ARHGEF10: variants seen among roughly 807,000 people sequenced by gnomAD.
ARHGEF10 encodes Rho guanine nucleotide exchange factor 10.
ARHGEF10 carries 140 observed loss-of-function variants against 147.4 expected under a neutral mutation model. The observed-to-expected ratio is 0.95, with a 90% CI of 0.83 to 1.09. ARHGEF10 has a LOEUF of 1.09. Among genes scored for constraint, ARHGEF10 ranks in the 50% least tolerant of loss-of-function variants. ARHGEF10 has a pLI of 0.00. For missense variants in ARHGEF10, 2,222 were observed against 1,752.7 expected, an observed-to-expected ratio of 1.27 and a Z score of -4.78; for synonymous variants, 902 against 695.8, an observed-to-expected ratio of 1.30 and a Z score of -4.67.
chr8:1,952,631 C>G, intron 27 of ARHGEF10, 74 bp from the exon 28 acceptor site: 1 of 1,591,538 alleles, frequency 6.3e-7, no homozygotes, highest in Non-Finnish European at 8.6e-7. Context: ...TGTGGGGTTT[C>G]CAGCACCCCG....
chr8:1,929,457 C>G lies in ARHGEF10; in HGVS notation c.3079+14C>G, dbSNP rs751004926. On this transcript the variant is annotated intron_variant, in intron 25 of 28. Transcript: ENST00000349830. Reference sequence around the variant, plus strand: ...CCAGAGCCCCAGGTGAGGCGGGTCTCACGGCCTCCTGGCCGGTCCTTGGGG... The same window carrying G: ...CCAGAGCCCCAGGTGAGGCGGGTCTGACGGCCTCCTGGCCGGTCCTTGGGG... The G allele has an allele frequency of 1.9e-6, 3 of 1,599,802 alleles. No individual in the cohort carries two copies. Among genetic ancestry groups the G allele is most frequent in the Non-Finnish European group, 2.6e-6 (3 of 1,173,070 alleles).
intron 11 of ARHGEF10, among the ~76,000 whole-genome samples, chr8:1,892,124 G>A (rs1809578980): frequency 6.6e-6 from 1 of 151,848 alleles, no homozygotes; most frequent in Non-Finnish European, 1.5e-5. Flanking sequence ...TTGGGAATCT[G>A]AATTTCAGAA....
chr8:1,891,820 C>A (rs1016070812), intron 11 of ARHGEF10, among the ~76,000 whole-genome samples: 5 of 152,038 alleles, frequency 3.3e-5, no homozygotes, highest in African/African-American at 9.7e-5. Context: ...AGACTGACAT[C>A]ACGTGCAGTA....
At position 1,929,382 on chromosome 8, in the gene ARHGEF10, G is replaced by T; in HGVS notation, c.3018G>T (p.Thr1006=). Residue 1006 remains threonine, a synonymous_variant, in exon 25 of 29, where the codon ACG becomes ACT. Coordinates refer to ENST00000349830, the MANE Select transcript of ARHGEF10 (RefSeq NM_014629.4). ...CCACAGTCATGAGCCTGGCTTGCAC[G>T]TCTCAGAGCCTGTACGCTGGCCTGG... The part of the protein sequence containing the change: ...EKSTVMSLAC[T]SQSLYAGLVN... The T allele has an allele frequency of 6.2e-7, 1 of 1,613,598 alleles. No homozygotes were observed. The highest frequency in any genetic ancestry group is 1.1e-5 in the South Asian group (1 of 91,058).
Position 1,893,605 on chromosome 8 carries a change from A to G in ARHGEF10, c.1219A>G (p.Ser407Gly). The G allele has an allele frequency of 6.2e-7, 1 of 1,613,806 alleles. No homozygotes were observed. The highest frequency in any genetic ancestry group is 8.5e-7 in the Non-Finnish European group (1 of 1,179,796). Residue 407 changes from serine (S) to glycine (G), a missense_variant, in exon 12 of 29, where the codon AGT (serine) becomes GGT (glycine). Ser to Gly is a moderately conservative substitution (Grantham distance 56). Transcript: ENST00000349830. ...ATATATACTGGGTTCAGTTGTCGACAGTGAAAAGAACTACGTAGATGCTCT... is the reference window on the plus strand; with the variant it reads ...ATATATACTGGGTTCAGTTGTCGACGGTGAAAAGAACTACGTAGATGCTCT... ...RRYILGSVVDSEKNYVDALKR... is the reference protein window; with the variant it reads ...RRYILGSVVDGEKNYVDALKR...
chr8:1,897,258 C>G (rs1467940201), intron 14 of ARHGEF10, among the ~76,000 whole-genome samples: 1 of 152,256 alleles, frequency 6.6e-6, no homozygotes, highest in South Asian at 2.1e-4. Context: ...AATTTTTTCC[C>G]TCTGCCTTAT....
At chr8:1,893,881 A>C (rs2129156211) in intron 12 of ARHGEF10, among the ~76,000 whole-genome samples, 1 of 152,296 alleles carries the variant, frequency 6.6e-6, no homozygotes, top group South Asian at 2.1e-4. Flanking sequence ...TCTAAGCTTT[A>C]AAAATGTCTG....
In ARHGEF10 at chr8:1,923,780, G is replaced by A; in HGVS notation, c.2394G>A (p.Gly798=). The A allele has an allele frequency of 6.2e-7, 1 of 1,614,172 alleles. No homozygotes were observed. Among genetic ancestry groups the A allele is most frequent in the Non-Finnish European group, 8.5e-7 (1 of 1,180,024 alleles). ...LQLPGKQDKS[G]RPTFFTAVFN... is the part of the protein sequence containing the mutation. ...TGTCTGTTGTTTCTGGCAGATCTGG[G>A]CGACCGACGTTCTTTACAGCTGTGT... Residue 798 remains glycine, a synonymous_variant, in exon 21 of 29, where the codon GGG becomes GGA. Coordinates refer to ENST00000349830, the MANE Select transcript of ARHGEF10 (RefSeq NM_014629.4).
chr8:1,945,516 G>A lies in ARHGEF10; in HGVS notation c.3258G>A (p.Val1086=). The change falls in exon 27 of 29, where the codon GTG becomes GTA. Residue 1086 remains valine, a synonymous_variant. Transcript: ENST00000349830. The part of the protein sequence containing the change: ...QLEAHQEEGM[V]ISHMAVSGVG... ...AGGCCCACCAGGAGGAAGGCATGGTGATCTCCCACATGGCCGTGTCCGGCG... is the reference window on the plus strand; with the variant it reads ...AGGCCCACCAGGAGGAAGGCATGGTAATCTCCCACATGGCCGTGTCCGGCG... The A allele has an allele frequency of 1.2e-6, 2 of 1,612,528 alleles. No homozygotes were observed. Among genetic ancestry groups the A allele is most frequent in the African/African-American group, 1.3e-5 (1 of 75,022 alleles).
intron 17 of ARHGEF10, among the ~76,000 whole-genome samples, chr8:1,906,532 C>T (rs761390318): frequency 4.6e-5 from 7 of 152,154 alleles, no homozygotes; most frequent in African/African-American, 1.7e-4. Flanking sequence ...TCATGCCCGT[C>T]GCCCCCATTT....
At chr8:1,877,229 TTC>T (rs1347229560) in intron 8 of ARHGEF10, among the ~76,000 whole-genome samples, 1 of 152,152 alleles carries the variant, frequency 6.6e-6, no homozygotes, top group Non-Finnish European at 1.5e-5. Context: ...CCTTTCTTTT[TTC>T]TTTTTCTTTT....
intron 10 of ARHGEF10, among the ~76,000 whole-genome samples, chr8:1,884,967 G>A (rs1276667193): frequency 6.6e-6 from 1 of 152,130 alleles, no homozygotes; most frequent in Non-Finnish European, 1.5e-5. Flanking sequence ...GTCTTGCTAT[G>A]TTGCCCAGGC....
In ARHGEF10 at chr8:1,857,890, C is replaced by CTATG. The variant is rs1805687960; in HGVS notation, c.38-67_38-66insGTAT. On this transcript the variant is annotated intron_variant, in intron 2 of 28. Transcript: ENST00000349830. ...AACATAGATCGATCGATCTATCTAT[C>CTATG]TATCTATCTATCTATCTATCTATCT... is the stretch of plus-strand genomic sequence containing the variant. 2.9e-6 allele frequency: 3 copies of CTATG among 1,036,554 alleles called. No homozygotes were observed. The Admixed American group carries it at 5.7e-5, about 20-fold the overall frequency. 64.2% of individuals were successfully genotyped at this position (1,036,554 alleles called of 1,614,324 possible).
chr8:1,872,557 G>C (rs1450086341), intron 7 of ARHGEF10, among the ~76,000 whole-genome samples: 1 of 152,202 alleles, frequency 6.6e-6, no homozygotes, highest in Non-Finnish European at 1.5e-5. Flanking sequence ...CATGGCAGCA[G>C]TTCAAGGATC....
In ARHGEF10 at chr8:1,930,261, G is replaced by A. The variant is rs573719981; in HGVS notation, c.3079+818G>A. On this transcript the variant is annotated intron_variant, in intron 25 of 28. Transcript: ENST00000349830. ...GCCCTGCACCACCCTCCCCACGGCCGGGAGCGACGCCTTGGCGGGTCCTGT... is the reference window on the plus strand; with the variant it reads ...GCCCTGCACCACCCTCCCCACGGCCAGGAGCGACGCCTTGGCGGGTCCTGT... Among the ~76,000 whole-genome samples, 5 of 152,122 alleles carry A rather than the reference G, an allele frequency of 3.3e-5. No individual in the cohort carries two copies. The East Asian group carries it at 9.7e-4, about 30-fold the overall frequency.
intron 11 of ARHGEF10, among the ~76,000 whole-genome samples, chr8:1,889,848 T>TTTGTGAGGAGACACTGAGTGTGGTGAGGG (rs1809289264): frequency 9.0e-6 from 1 of 111,176 alleles, no homozygotes; most frequent in African/African-American, 4.1e-5. Flanking sequence ...TGGGGTGAGG[T>TTTGTGAGGAGACACTGAGTGTGGTGAGGG]TTGTGAGGAG....
chr8:1,881,104 A>C (rs1011048607), intron 9 of ARHGEF10, among the ~76,000 whole-genome samples: 6 of 152,028 alleles, frequency 3.9e-5, no homozygotes, highest in African/African-American at 1.4e-4. Context: ...AGACACGGGG[A>C]GTGCCCTGGC....
intron 4 of ARHGEF10, among the ~76,000 whole-genome samples, chr8:1,862,439 T>C (rs1806209585): frequency 6.6e-6 from 1 of 152,262 alleles, no homozygotes; most frequent in African/African-American, 2.4e-5. Flanking sequence ...CACGGGCTGT[T>C]GTGGCCAGAA....
chr8:1,930,497 C>T (rs1563302341), intron 25 of ARHGEF10, among the ~76,000 whole-genome samples: 3 of 151,252 alleles, frequency 2.0e-5, no homozygotes, highest in Admixed American at 1.3e-4. Flanking sequence ...ACCCTCCCCG[C>T]CCCCCCGCTG....
Sources: allele counts gnomAD v4.1 joint callset (sites outside exome capture counted in the v4.1 genomes callset), GRCh38; gene constraint gnomAD v4.1.1; transcripts MANE v1.5; gene names NCBI Gene and HGNC (gene_info 2026-07-23, HGNC 2026-07-21).